DYNC1I1: variants seen among roughly 807,000 people sequenced by gnomAD.
DYNC1I1 encodes the protein dynein cytoplasmic 1 intermediate chain 1.
Under a neutral mutation model 86.6 loss-of-function variants are expected in DYNC1I1, and 43 were observed. The observed-to-expected ratio is 0.50, with a 90% confidence interval of 0.39 to 0.64. The LOEUF (loss-of-function observed/expected upper bound fraction) is 0.64, where lower values mean the gene tolerates loss of function less well. Ranked by LOEUF, DYNC1I1 falls within the 30% of genes least tolerant of loss-of-function variation. DYNC1I1 has a pLI of 0.00. For synonymous variants in DYNC1I1, 262 were observed against 283.7 expected, an observed-to-expected ratio of 0.92 and a Z score of 0.77; for missense variants, 604 against 788.8, an observed-to-expected ratio of 0.77 and a Z score of 2.81.
chr7:95,871,150 G>A (rs939316477), intron 6 of DYNC1I1, among the ~76,000 whole-genome samples: 14 of 152,116 alleles, frequency 9.2e-5, no homozygotes, highest in Non-Finnish European at 1.9e-4. Flanking sequence ...CTTGAAGTCC[G>A]GGGTGCCGTT....
At chr7:95,866,520 A>C (rs753744353) in intron 5 of DYNC1I1, among the ~76,000 whole-genome samples, 1 of 152,184 alleles carries the variant, frequency 6.6e-6, no homozygotes, top group Non-Finnish European at 1.5e-5. Flanking sequence ...AAAATTTCTT[A>C]ACATCACTTG....
At chr7:95,868,973 G>C (rs1490441111) in intron 5 of DYNC1I1, among the ~76,000 whole-genome samples, 1 of 152,090 alleles carries the variant, frequency 6.6e-6, no homozygotes, top group Non-Finnish European at 1.5e-5. Context: ...GATTTTTGCA[G>C]TAACTCAAGA....
intron 6 of DYNC1I1, among the ~76,000 whole-genome samples, chr7:95,912,037 A>ATT (rs112364570): frequency 6.7e-6 from 1 of 148,994 alleles, no homozygotes; most frequent in African/African-American, 2.5e-5. Context: ...CTTGAACATC[A>ATT]TTTTTTTTTT....
At chr7:95,996,153 G>T in intron 10 of DYNC1I1, 80 bp downstream of exon 10, 1 of 1,579,880 alleles carries the variant, frequency 6.3e-7, no homozygotes. Context: ...TCTGTCTTAT[G>T]CTGAGAGGAA....
At chr7:95,788,998 A>G (rs1222290952) in intron 1 of DYNC1I1, among the ~76,000 whole-genome samples, 1 of 152,180 alleles carries the variant, frequency 6.6e-6, no homozygotes, top group Non-Finnish European at 1.5e-5. Flanking sequence ...AAGCTAATGT[A>G]TACATGCCTG....
intron 6 of DYNC1I1, among the ~76,000 whole-genome samples, chr7:95,902,591 A>G (rs1791067071): frequency 6.6e-6 from 1 of 152,212 alleles, no homozygotes; most frequent in African/African-American, 2.4e-5. Context: ...TGCTTGACAG[A>G]CATCTTGTTT....
At chr7:95,780,720 C>T (rs541559320) in intron 1 of DYNC1I1, among the ~76,000 whole-genome samples, 1 of 152,226 alleles carries the variant, frequency 6.6e-6, no homozygotes, top group African/African-American at 2.4e-5. Context: ...CTACAGCACA[C>T]CATGTGGAAG....
chr7:95,807,514 A>AT (rs1794729496), intron 2 of DYNC1I1, among the ~76,000 whole-genome samples: 1 of 151,986 alleles, frequency 6.6e-6, no homozygotes, highest in South Asian at 2.1e-4. Flanking sequence ...TTTTGCCTCC[A>AT]TTTTTTTTCT....
intron 14 of DYNC1I1, among the ~76,000 whole-genome samples, chr7:96,060,236 A>C (rs184315865): frequency 5.4e-4 from 82 of 152,238 alleles, no homozygotes; most frequent in African/African-American, 2.0e-3. Flanking sequence ...CTGTGGCACA[A>C]ATCCATCATT....
At chr7:95,925,261 A>G (rs1029765403) in intron 6 of DYNC1I1, among the ~76,000 whole-genome samples, 4 of 152,096 alleles carry the variant, frequency 2.6e-5, no homozygotes, top group Admixed American at 1.3e-4. Context: ...CCAGAGTGAA[A>G]ATTTGTGTCT....
At chr7:96,048,009 G>T (rs982588420) in intron 14 of DYNC1I1, among the ~76,000 whole-genome samples, 2 of 152,246 alleles carry the variant, frequency 1.3e-5, no homozygotes, top group East Asian at 3.9e-4. Context: ...CTACATGGAA[G>T]TGGAGGGAGA....
At chr7:95,856,063 A>G (rs777117630) in intron 5 of DYNC1I1, among the ~76,000 whole-genome samples, 7 of 152,152 alleles carry the variant, frequency 4.6e-5, no homozygotes, top group Non-Finnish European at 8.8e-5. Flanking sequence ...CTCTTTTGTG[A>G]TAACATTTAG....
chr7:95,825,098 C>T (rs964381942), intron 4 of DYNC1I1, among the ~76,000 whole-genome samples: 2 of 152,204 alleles, frequency 1.3e-5, no homozygotes, highest in African/African-American at 4.8e-5. Context: ...GTTTCTGTTA[C>T]TGAATAACAT....
intron 5 of DYNC1I1, among the ~76,000 whole-genome samples, chr7:95,847,890 A>G (rs980489122): frequency 6.6e-6 from 1 of 152,090 alleles, no homozygotes; most frequent in African/African-American, 2.4e-5. Context: ...CTTATCCACA[A>G]TAATCCACCC....
intron 1 of DYNC1I1, among the ~76,000 whole-genome samples, chr7:95,797,262 G>A (rs1584232237): frequency 6.6e-6 from 1 of 152,180 alleles, no homozygotes; most frequent in Middle Eastern, 3.4e-3. Context: ...CAACTGACAA[G>A]CTAGGGTGAT....
At chr7:95,817,811 G>A (rs1794980455) in intron 4 of DYNC1I1, among the ~76,000 whole-genome samples, 1 of 152,166 alleles carries the variant, frequency 6.6e-6, no homozygotes, top group Non-Finnish European at 1.5e-5. Flanking sequence ...AAATCATTCA[G>A]CCAACATTTA....
chr7:95,954,630 A>G (rs1792654497), intron 6 of DYNC1I1, among the ~76,000 whole-genome samples: 3 of 152,132 alleles, frequency 2.0e-5, no homozygotes, highest in Admixed American at 6.5e-5. Flanking sequence ...TGTATGGACA[A>G]TGGGCCGGGC....
intron 6 of DYNC1I1, among the ~76,000 whole-genome samples, chr7:95,944,645 C>A (rs1222255530): frequency 5.3e-5 from 8 of 152,140 alleles, no homozygotes; most frequent in East Asian, 1.9e-4. Context: ...CAATGATAGA[C>A]TGGATTAAGA....
intron 6 of DYNC1I1, among the ~76,000 whole-genome samples, chr7:95,909,870 T>C (rs1791282918): frequency 6.6e-6 from 1 of 152,116 alleles, no homozygotes; most frequent in South Asian, 2.1e-4. Context: ...CTTTGAGACC[T>C]GCGTTACCTG....
Sources: allele counts gnomAD v4.1 joint callset (sites outside exome capture counted in the v4.1 genomes callset), GRCh38; gene constraint gnomAD v4.1.1; transcripts MANE v1.5; gene names NCBI Gene and HGNC (gene_info 2026-07-23, HGNC 2026-07-21).